Variants in NEDD1 observed in about 807,000 individuals in gnomAD.
The protein encoded by NEDD1 is NEDD1 gamma-tubulin ring complex targeting factor.
A neutral mutation model predicts 74.0 loss-of-function variants in NEDD1; 33 were observed. The observed-to-expected ratio is 0.45, with a 90% CI of 0.34 to 0.60. NEDD1 has a LOEUF of 0.60. NEDD1 is among the 20% of genes least tolerant of loss of function. The pLI is 0.01. For synonymous variants in NEDD1, 250 were observed against 264.4 expected (o/e 0.95, Z 0.53); for missense variants, 746 against 776.5 (o/e 0.96, Z 0.47).
chr12:96,943,437 C>T, intron 11 of NEDD1, 123 bp from the exon 12 acceptor site: 1 of 678,768 alleles, frequency 1.5e-6, no homozygotes, highest in African/African-American at 1.8e-5. Context: ...GAGAAACAAA[C>T]CAGTCTTCAG....
At chr12:96,927,445 CT>C (rs2136551310) in intron 6 of NEDD1, among the ~76,000 whole-genome samples, 1 of 152,336 alleles carries the variant, frequency 6.6e-6, no homozygotes, top group Non-Finnish European at 1.5e-5. Context: ...GGCTGACAGA[CT>C]ACTTAGGTTA....
chr12:96,945,587 T>C lies in NEDD1; in HGVS notation c.1655-106T>C. 4.5e-6 allele frequency: 3 copies of C among 660,252 alleles called. No homozygotes were observed. The South Asian group carries it at 6.0e-5, about 13-fold the overall frequency. 40.9% of individuals were successfully genotyped at this position (660,252 alleles called of 1,614,324 possible). ...TTTTCTAAATGTCACAGGAACACTCTTCTTTGCCAGTTTTTCAAGTTTGCA... is the reference window on the plus strand; with the variant it reads ...TTTTCTAAATGTCACAGGAACACTCCTCTTTGCCAGTTTTTCAAGTTTGCA... On this transcript the variant is annotated intron_variant, in intron 13 of 15. Transcript: ENST00000266742.
intron 14 of NEDD1, among the ~76,000 whole-genome samples, chr12:96,949,782 G>T (rs1290382745): frequency 1.3e-5 from 2 of 152,052 alleles, no homozygotes; most frequent in Non-Finnish European, 2.9e-5. Context: ...GCAGATTTAT[G>T]TGCAAAAAAT....
intron 6 of NEDD1, among the ~76,000 whole-genome samples, chr12:96,930,749 C>G (rs1033782687): frequency 5.9e-5 from 9 of 152,110 alleles, no homozygotes; most frequent in African/African-American, 1.2e-4. Flanking sequence ...CAGATGCTAG[C>G]CAAGGACCAA....
Position 96,909,889 on chromosome 12 carries a change from A to C in NEDD1, c.130A>C (p.Ser44Arg). Residue 44 changes from serine to arginine, a missense_variant, in exon 3 of 16, where the codon AGC becomes CGC. By Grantham distance (110) the Ser-to-Arg change is moderately radical. Transcript: ENST00000266742. Reference protein sequence around the residue: ...PHGISSICWSSNNNFLVTASS... With the variant: ...PHGISSICWSRNNNFLVTASS... ...TGGAATCAGCTCAATATGTTGGAGC[A>C]GCAATAGTATCCTTTAAAAAAAAAA... 1 of 1,596,422 alleles carries C rather than the reference A, an allele frequency of 6.3e-7. No individual in the cohort carries two copies. The highest frequency in any genetic ancestry group is 2.3e-5 in the East Asian group (1 of 44,332).
intron 5 of NEDD1, among the ~76,000 whole-genome samples, chr12:96,918,092 A>G (rs1874663770): frequency 6.6e-6 from 1 of 151,918 alleles, no homozygotes; most frequent in East Asian, 1.9e-4. Context: ...TTGTTTTGTG[A>G]TGATAGTATT....
At chr12:96,909,047 A>T (rs545404186) in intron 2 of NEDD1, among the ~76,000 whole-genome samples, 2 of 152,120 alleles carry the variant, frequency 1.3e-5, no homozygotes, top group East Asian at 1.9e-4. Context: ...GTGGTGGTGC[A>T]TGCCGGTAAT....
chr12:96,930,557 G>T (rs183485319), intron 6 of NEDD1, among the ~76,000 whole-genome samples: 23 of 151,956 alleles, frequency 1.5e-4, no homozygotes, highest in Non-Finnish European at 2.6e-4. Flanking sequence ...TTATTGGGGG[G>T]GCTGGTTATA....
chr12:96,936,626 A>T lies in NEDD1; in HGVS notation c.735A>T (p.Leu245Phe). 5.0e-6 allele frequency: 8 copies of T among 1,613,322 alleles called. No homozygotes were observed. The highest frequency in any genetic ancestry group is 6.8e-6 in the Non-Finnish European group (8 of 1,179,372). The change falls in exon 8 of 16, where the codon TTA (leucine) becomes TTT (phenylalanine). Residue 245 changes from leucine to phenylalanine, a missense_variant. Around this residue, in one of 3 missense-constraint regions of NEDD1, gnomAD observed 706 missense variants for 706.7 expected, o/e 1.00. Coordinates refer to ENST00000266742, the MANE Select transcript of NEDD1 (RefSeq NM_152905.4). ...DTSSKKLVKT[L>F]VADTPLTAVD... Reference sequence around the variant, plus strand: ...CTTTCCAAAGGCTAGTGAAAACTTTAGTGGCTGACACTCCTCTAACTGCGG... The same window carrying T: ...CTTTCCAAAGGCTAGTGAAAACTTTTGTGGCTGACACTCCTCTAACTGCGG...
intron 10 of NEDD1, among the ~76,000 whole-genome samples, chr12:96,941,307 T>G (rs974458398): frequency 6.6e-6 from 1 of 152,116 alleles, no homozygotes; most frequent in Non-Finnish European, 1.5e-5. Context: ...ACTCATTATC[T>G]TATACAATTT....
intron 14 of NEDD1, among the ~76,000 whole-genome samples, chr12:96,949,245 A>T (rs906126992): frequency 1.3e-5 from 2 of 152,146 alleles, no homozygotes; most frequent in East Asian, 1.9e-4. Flanking sequence ...TGGCTACCTC[A>T]ATGGTTCCCT....
intron 4 of NEDD1, among the ~76,000 whole-genome samples, chr12:96,913,786 A>T (rs1381500698): frequency 6.6e-6 from 1 of 152,218 alleles, no homozygotes; most frequent in Admixed American, 6.5e-5. Flanking sequence ...AGATTTAAAT[A>T]AAAAGATATG....
intron 9 of NEDD1, among the ~76,000 whole-genome samples, chr12:96,939,393 C>A (rs1376821894): frequency 6.6e-6 from 1 of 151,988 alleles, no homozygotes; most frequent in African/African-American, 2.4e-5. Context: ...TGAACTCTTG[C>A]TATAGACACT....
chr12:96,920,378 AGTT>A (rs1874941532), intron 6 of NEDD1, among the ~76,000 whole-genome samples: 1 of 151,990 alleles, frequency 6.6e-6, no homozygotes, highest in Non-Finnish European at 1.5e-5. Context: ...AAATACAAAT[AGTT>A]GTTAATAGGT....
At chr12:96,927,561 GTCAA>G (rs1875850687) in intron 6 of NEDD1, among the ~76,000 whole-genome samples, 1 of 152,164 alleles carries the variant, frequency 6.6e-6, no homozygotes, top group Non-Finnish European at 1.5e-5. Flanking sequence ...AATTACAAAT[GTCAA>G]TCTATTGTAT....
intron 3 of NEDD1, among the ~76,000 whole-genome samples, chr12:96,912,239 G>A (rs1873990610): frequency 6.6e-6 from 1 of 150,458 alleles, no homozygotes. Context: ...AAAAATTCAT[G>A]TTCTGGGAAA....
intron 14 of NEDD1, among the ~76,000 whole-genome samples, chr12:96,946,718 T>C (rs1878235336): frequency 6.6e-6 from 1 of 152,208 alleles, no homozygotes; most frequent in African/African-American, 2.4e-5. Flanking sequence ...CCATGTGTGT[T>C]TCTCTTAATG....
intron 7 of NEDD1, among the ~76,000 whole-genome samples, chr12:96,936,185 C>G (rs1877068366): frequency 6.6e-6 from 1 of 152,196 alleles, no homozygotes; most frequent in Admixed American, 6.5e-5. Context: ...AACAGCTGCT[C>G]CCCTGTGAAA....
chr12:96,931,624 G>A (rs992886747), intron 6 of NEDD1, among the ~76,000 whole-genome samples: 2 of 152,120 alleles, frequency 1.3e-5, no homozygotes, highest in Admixed American at 6.5e-5. Flanking sequence ...AGTAATCAGA[G>A]TACTTGCAAA....
Sources: gnomAD v4.1 joint callset for allele counts (sites outside exome capture counted in the v4.1 genomes callset) on GRCh38, gnomAD v4.1.1 for gene constraint, gnomAD v4.1.1 regional missense constraint, MANE v1.5 for transcripts, NCBI Gene and HGNC (gene_info 2026-07-23, HGNC 2026-07-21) for gene names.